The following EDIL3 variants were observed in gnomAD, a reference collection of about 807,000 sequenced individuals.
EDIL3 encodes the protein EGF-like repeat and discoidin I-like domain-containing protein 3.
In EDIL3, 37 loss-of-function variants were observed where a neutral mutation model predicts 67.4. That is an observed-to-expected ratio of 0.55 (90% confidence interval 0.42 to 0.72). The LOEUF is 0.72. EDIL3 is among the 30% of genes least tolerant of loss of function. The pLI is 0.00. For missense variants in EDIL3, 527 were observed against 586.3 expected (o/e 0.90, Z 1.04); for synonymous variants, 195 against 196.3 (o/e 0.99, Z 0.05).
intron 4 of EDIL3, among the ~76,000 whole-genome samples, chr5:84,180,121 A>G (rs1748989130): frequency 6.6e-6 from 1 of 152,028 alleles, no homozygotes. Context: ...AGTTTAATGT[A>G]AAGTGCATCT....
At chr5:84,121,651 C>T (rs762002637) in intron 5 of EDIL3, among the ~76,000 whole-genome samples, 4 of 151,586 alleles carry the variant, frequency 2.6e-5, no homozygotes, top group Non-Finnish European at 4.4e-5. Flanking sequence ...TGAAATTTAC[C>T]TTCTAGCAAT....
At chr5:84,242,231 C>CAAA (rs566552784) in intron 2 of EDIL3, among the ~76,000 whole-genome samples, 2 of 130,742 alleles carry the variant, frequency 1.5e-5, no homozygotes, top group African/African-American at 5.6e-5. Context: ...GACTCTGTCT[C>CAAA]AAAAAAAAAA....
chr5:84,162,996 T>G (rs925055908), intron 4 of EDIL3, among the ~76,000 whole-genome samples: 1 of 152,158 alleles, frequency 6.6e-6, no homozygotes, highest in Non-Finnish European at 1.5e-5. Flanking sequence ...AGTAATAACA[T>G]ACTTAATATC....
rs973746833 is a variant in EDIL3, at chr5:84,333,412, T to C, written c.67+50896A>G. 9.9e-5 allele frequency among the ~76,000 whole-genome samples: 15 copies of C among 152,242 alleles called. No individual in the cohort carries two copies. The East Asian group carries it at 2.7e-3, about 27-fold the overall frequency. ...TTCTTAAAAAATAGTTCTGGGAAAC[T>C]GAAGTATTCAAAATGATAAAGTCAT... On this transcript the variant is annotated intron_variant, in intron 1 of 10. Transcript: ENST00000296591.
chr5:84,011,775 T>C (rs1453312503), intron 9 of EDIL3, among the ~76,000 whole-genome samples: 2 of 152,298 alleles, frequency 1.3e-5, no homozygotes, highest in African/African-American at 2.4e-5. Flanking sequence ...TTATATTGTG[T>C]GGCTTGCTTT....
intron 6 of EDIL3, among the ~76,000 whole-genome samples, chr5:84,071,198 C>G (rs1746734698): frequency 1.3e-5 from 2 of 152,158 alleles, no homozygotes; most frequent in African/African-American, 2.4e-5. Flanking sequence ...GGAAAGGGGA[C>G]TGTAGAGTCA....
At chr5:84,183,284 T>G (rs1414899883) in intron 3 of EDIL3, among the ~76,000 whole-genome samples, 5 of 152,098 alleles carry the variant, frequency 3.3e-5, no homozygotes, top group Non-Finnish European at 5.9e-5. Context: ...AGACTAAGAA[T>G]CTGGGATTCT....
At chr5:84,045,983 A>G (rs770979588) in intron 9 of EDIL3, among the ~76,000 whole-genome samples, 10 of 152,242 alleles carry the variant, frequency 6.6e-5, no homozygotes, top group Non-Finnish European at 1.0e-4. Flanking sequence ...CAATTGAGCC[A>G]GGTGAGCTTA....
chr5:84,066,689 T>C (rs1746648067), intron 6 of EDIL3, 83 bp from the exon 7 acceptor site: 4 of 1,488,370 alleles, frequency 2.7e-6, no homozygotes, highest in Non-Finnish European at 2.7e-6. Context: ...AAATGAAACA[T>C]TGTTAATGCA....
intron 1 of EDIL3, among the ~76,000 whole-genome samples, chr5:84,333,716 T>C (rs1165638277): frequency 6.6e-6 from 1 of 152,176 alleles, no homozygotes; most frequent in Non-Finnish European, 1.5e-5. Context: ...TATGAGTACG[T>C]TCTATTTCCT....
At chr5:84,374,413 A>T (rs1747922035) in intron 1 of EDIL3, among the ~76,000 whole-genome samples, 1 of 152,226 alleles carries the variant, frequency 6.6e-6, no homozygotes, top group African/African-American at 2.4e-5. Context: ...TGTTCCCTAA[A>T]GTAGAAATGT....
intron 1 of EDIL3, among the ~76,000 whole-genome samples, chr5:84,337,458 T>A (rs1355350546): frequency 6.6e-6 from 1 of 152,162 alleles, no homozygotes; most frequent in Non-Finnish European, 1.5e-5. Context: ...TATAGGTAAC[T>A]AATAATAAAA....
chr5:84,365,465 T>C (rs1747709670), intron 1 of EDIL3, among the ~76,000 whole-genome samples: 1 of 152,154 alleles, frequency 6.6e-6, no homozygotes, highest in Admixed American at 6.5e-5. Context: ...ATTTTAGTAG[T>C]TTCTGTTATA....
chr5:84,331,324 T>C (rs1407789685), intron 1 of EDIL3, among the ~76,000 whole-genome samples: 1 of 152,144 alleles, frequency 6.6e-6, no homozygotes, highest in Non-Finnish European at 1.5e-5. Flanking sequence ...GATGGACTGA[T>C]ATGGTTTGGC....
At position 84,384,644 on chromosome 5, in the gene EDIL3, G is replaced by T; in HGVS notation, c.-270C>A. 3.9e-6 allele frequency: 1 copy of T among 253,302 alleles called. No individual in the cohort carries two copies. The allele number at this position is 253,302 out of a possible 1,614,324, so 15.7% of individuals were successfully genotyped here. The stretch of plus-strand genomic sequence containing the variant: ...CCGCCGGCGGGCTCAGCCCTCCGCT[G>T]CGGGTGGGTCCCGGCAGAGGCGCGG... On this transcript the variant is annotated 5_prime_UTR_variant, in exon 1 of 11. Coordinates refer to ENST00000296591, the MANE Select transcript of EDIL3 (RefSeq NM_005711.5).
chr5:84,276,700 C>T (rs1745588792), intron 1 of EDIL3, among the ~76,000 whole-genome samples: 1 of 151,932 alleles, frequency 6.6e-6, no homozygotes, highest in Non-Finnish European at 1.5e-5. Flanking sequence ...TCTGGAGTAG[C>T]TGGAATTACA....
chr5:83,943,616 T>G (rs767356535), intron 10 of EDIL3, 48 bp from the exon 11 acceptor site: 2 of 1,590,224 alleles, frequency 1.3e-6, no homozygotes, highest in African/African-American at 2.7e-5. Context: ...CTTCTTTCTT[T>G]GAAATTATTT....
At chr5:84,109,141 T>G (rs1421078979) in intron 5 of EDIL3, among the ~76,000 whole-genome samples, 1 of 152,186 alleles carries the variant, frequency 6.6e-6, no homozygotes, top group African/African-American at 2.4e-5. Context: ...AATATATATG[T>G]GCAACTCACT....
chr5:83,943,673 C>T, intron 10 of EDIL3, 105 bp from the exon 11 acceptor site: 1 of 1,323,412 alleles, frequency 7.6e-7, no homozygotes, highest in Non-Finnish European at 1.0e-6. Flanking sequence ...TATTTGATAA[C>T]TATTCATTTT....
Sources: allele counts gnomAD v4.1 joint callset (sites outside exome capture counted in the v4.1 genomes callset), GRCh38; gene constraint gnomAD v4.1.1; transcripts MANE v1.5; gene names NCBI Gene and HGNC (gene_info 2026-07-23, HGNC 2026-07-21).